RASEF: variants seen among roughly 807,000 people sequenced by gnomAD.
The protein encoded by RASEF is RAS and EF-hand domain containing, also known as ras and EF-hand domain-containing protein.
A neutral mutation model predicts 90.1 loss-of-function variants in RASEF; 68 were observed. The ratio of observed to expected loss-of-function variants is 0.75; its 90% confidence interval spans 0.62 to 0.92. The LOEUF (loss-of-function observed/expected upper bound fraction) is 0.92. Ranked by LOEUF, RASEF falls within the 40% of genes least tolerant of loss-of-function variation. RASEF has a pLI of 0.00. For synonymous variants in RASEF, 331 were observed against 345.2 expected, an observed-to-expected ratio of 0.96 and a Z score of 0.46; for missense variants, 949 against 937.2, an observed-to-expected ratio of 1.01 and a Z score of -0.16.
intron 12 of RASEF, among the ~76,000 whole-genome samples, chr9:82,999,610 T>C (rs1028497404): frequency 1.4e-5 from 2 of 146,326 alleles, no homozygotes; most frequent in Non-Finnish European, 3.0e-5. Flanking sequence ...ATATCTCTCT[T>C]TTTTTTTTTT....
intron 3 of RASEF, among the ~76,000 whole-genome samples, chr9:83,021,557 G>A (rs1829445011): frequency 6.6e-6 from 1 of 152,116 alleles, no homozygotes; most frequent in Admixed American, 6.5e-5. Flanking sequence ...GCTGAATAAA[G>A]GCATACAATC....
the RASEF span, among the ~76,000 whole-genome samples, chr9:83,084,871 A>AT: frequency 7.9e-3 from 1,202 of 152,062 alleles, 15 homozygotes; most frequent in African/African-American, 0.027. Flanking sequence ...TGTCTTGGAT[A>AT]TTTTTTCTAT....
intron 1 of RASEF, among the ~76,000 whole-genome samples, chr9:83,034,024 C>T (rs900359341): frequency 2.0e-5 from 3 of 152,146 alleles, no homozygotes; most frequent in South Asian, 2.1e-4. Context: ...AGTATGCATG[C>T]TTCCAGAATA....
chr9:83,200,671 G>A, the RASEF span, among the ~76,000 whole-genome samples: 1 of 152,184 alleles, frequency 6.6e-6, no homozygotes, highest in Non-Finnish European at 1.5e-5. Context: ...GTAAGCTCCA[G>A]GAAGGAAGAG....
the RASEF span, among the ~76,000 whole-genome samples, chr9:83,161,051 A>G: frequency 6.6e-6 from 1 of 152,180 alleles, no homozygotes; most frequent in African/African-American, 2.4e-5. Context: ...TGGGGCCCTC[A>G]TAGAGAACCT....
chr9:83,020,804 AC>A (rs763868164), intron 3 of RASEF, among the ~76,000 whole-genome samples: 2 of 152,218 alleles, frequency 1.3e-5, no homozygotes, highest in Non-Finnish European at 2.9e-5. Flanking sequence ...ACAGAATAAC[AC>A]GTGCTTGATA....
chr9:83,055,771 A>G, intron 1 of RASEF: 1 of 659,878 alleles, frequency 1.5e-6, no homozygotes. Context: ...CCAAAATGAA[A>G]ATAAGAATAT....
chr9:83,168,623 G>A, the RASEF span, among the ~76,000 whole-genome samples: 1 of 152,006 alleles, frequency 6.6e-6, no homozygotes, highest in Non-Finnish European at 1.5e-5. Context: ...TAGCAAAAAA[G>A]CAAATACTCC....
At chr9:83,031,842 G>A (rs1055660305) in intron 1 of RASEF, among the ~76,000 whole-genome samples, 1 of 152,112 alleles carries the variant, frequency 6.6e-6, no homozygotes, top group Non-Finnish European at 1.5e-5. Flanking sequence ...ATTACATGCA[G>A]TGGGCACAGT....
At chr9:83,039,291 G>T (rs1002786271) in intron 1 of RASEF, among the ~76,000 whole-genome samples, 8 of 151,992 alleles carry the variant, frequency 5.3e-5, no homozygotes, top group African/African-American at 1.9e-4. Flanking sequence ...AGTTTTCTGT[G>T]GCTGTTTTAC....
the RASEF span, among the ~76,000 whole-genome samples, chr9:83,100,246 C>T: frequency 2.0e-5 from 3 of 152,248 alleles, no homozygotes; most frequent in Non-Finnish European, 4.4e-5. Flanking sequence ...AAGTATATGA[C>T]ATTTCTATTA....
At chr9:82,991,117 C>T (rs530244277) in intron 15 of RASEF, among the ~76,000 whole-genome samples, 6 of 152,120 alleles carry the variant, frequency 3.9e-5, no homozygotes, top group South Asian at 2.1e-4. Context: ...CTCACTCATC[C>T]CCCACTCACT....
intron 1 of RASEF, among the ~76,000 whole-genome samples, chr9:83,040,942 C>A (rs538108222): frequency 4.5e-4 from 68 of 152,186 alleles, no homozygotes; most frequent in Non-Finnish European, 5.6e-4. Flanking sequence ...CTCACTGCAA[C>A]CTCTGCCTCC....
the RASEF span, among the ~76,000 whole-genome samples, chr9:83,158,821 CACAG>C: frequency 1.3e-5 from 2 of 150,896 alleles, no homozygotes; most frequent in African/African-American, 4.9e-5. Flanking sequence ...TATACACACA[CACAG>C]ACATACACAC....
the RASEF span, among the ~76,000 whole-genome samples, chr9:83,072,162 G>C: frequency 6.6e-6 from 1 of 152,060 alleles, no homozygotes; most frequent in Non-Finnish European, 1.5e-5. Context: ...CCCTACTTTA[G>C]TCCTTAACTT....
chr9:83,147,619 G>C, the RASEF span, among the ~76,000 whole-genome samples: 3 of 152,088 alleles, frequency 2.0e-5, no homozygotes, highest in Non-Finnish European at 4.4e-5. Context: ...GACTCCTAAA[G>C]CCCTGGTAAG....
At chr9:83,120,112 C>A in the RASEF span, among the ~76,000 whole-genome samples, 1 of 152,148 alleles carries the variant, frequency 6.6e-6, no homozygotes, top group Non-Finnish European at 1.5e-5. Flanking sequence ...CTGAAAGAAG[C>A]CTTGCCAACT....
At chr9:83,063,157 C>A (rs1587533390), upstream of RASEF, 2 of 396,758 alleles carry the variant, frequency 5.0e-6, no homozygotes, top group African/African-American at 2.1e-5. Context: ...GCCCAAGCGC[C>A]GAGGTGGCTC....
At chr9:83,213,491 C>A in the RASEF span, among the ~76,000 whole-genome samples, 2 of 152,128 alleles carry the variant, frequency 1.3e-5, no homozygotes, top group African/African-American at 4.8e-5. Flanking sequence ...CTAACAGACA[C>A]CGTTGTTCTA....
Sources: gnomAD v4.1 joint callset for allele counts (sites outside exome capture counted in the v4.1 genomes callset) on GRCh38, gnomAD v4.1.1 for gene constraint, MANE v1.5 for transcripts, NCBI Gene and HGNC (gene_info 2026-07-23, HGNC 2026-07-21) for gene names.